SGK2: variants seen among roughly 807,000 people sequenced by gnomAD.
SGK2 encodes the protein serine/threonine-protein kinase Sgk2.
A neutral mutation model predicts 47.5 loss-of-function variants in SGK2; 36 were observed. The ratio of observed to expected loss-of-function variants is 0.76; its 90% CI spans 0.58 to 1.00. The LOEUF (loss-of-function observed/expected upper bound fraction) is 1.00, where lower values mean the gene tolerates loss of function less well. Ranked by LOEUF, SGK2 falls within the 50% of genes least tolerant of loss-of-function variation. SGK2 has a pLI of 0.00. For missense variants in SGK2, 404 were observed against 467.4 expected (o/e 0.86, Z 1.25); for synonymous variants, 157 against 181.9 (o/e 0.86, Z 1.10).
intron 10 of SGK2, 142 bp downstream of exon 10, chr20:43,575,146 T>C (rs945698857): frequency 1.2e-5 from 7 of 607,458 alleles, no homozygotes; most frequent in Non-Finnish European, 2.1e-5. Context: ...AAGGTGAATA[T>C]GCAAATTATT....
chr20:43,569,275 AG>A, intron 5 of SGK2, 109 bp from the exon 6 acceptor site: 2 of 1,401,380 alleles, frequency 1.4e-6, no homozygotes, highest in South Asian at 2.6e-5. Context: ...CAGGGGCATG[AG>A]AAAGTCCTGG....
chr20:43,572,013 C>G lies in SGK2; in HGVS notation c.511-38C>G, dbSNP rs1243734752. 1 of 1,483,758 alleles carries G rather than the reference C, an allele frequency of 6.7e-7. No homozygotes were observed. 91.9% of individuals were successfully genotyped at this position (1,483,758 alleles called of 1,614,324 possible). ...GTTAGGCCTGGCCATACCCTTGGCTCATACCACCCTCCAGCCCATGCCCTC... is the reference window on the plus strand; with the variant it reads ...GTTAGGCCTGGCCATACCCTTGGCTGATACCACCCTCCAGCCCATGCCCTC... On this transcript the variant is annotated intron_variant, in intron 8 of 12. Transcript: ENST00000373100. This position sits in a 1 kb window ranked among gnomAD's most constrained non-coding sequence, Gnocchi z 4.2.
intron 12 of SGK2, chr20:43,583,708 T>C (rs1980937406): frequency 6.0e-6 from 4 of 661,560 alleles, no homozygotes; most frequent in Non-Finnish European, 7.5e-6. Flanking sequence ...GTAGTTCATA[T>C]CTGTAACCCC....
Position 43,574,891 on chromosome 20 carries a change from T to A in SGK2, c.598-18T>A, listed in dbSNP as rs1356244011. The stretch of plus-strand genomic sequence containing the variant: ...GGCTTAACGACTTATTTCAAATAAG[T>A]GTGTTTCCTTCTAACAGTACTTGGC... On this transcript the variant is annotated intron_variant, in intron 9 of 12. Transcript: ENST00000373100. 1 of 1,599,444 alleles carries A rather than the reference T, an allele frequency of 6.3e-7. No individual in the cohort carries two copies. Among genetic ancestry groups the A allele is most frequent in the Admixed American group, 1.7e-5 (1 of 59,904 alleles).
chr20:43,565,980 A>G (rs1979681354), intron 1 of SGK2: 1 of 209,924 alleles, frequency 4.8e-6, no homozygotes, highest in Non-Finnish European at 9.4e-6. Context: ...ACAGTAATTC[A>G]GGGTTGCCAT....
At position 43,574,979 on chromosome 20, in the gene SGK2, T is replaced by A. The variant is rs747552762; in HGVS notation, c.668T>A (p.Val223Asp). ...GTGGACTGGTGGTGCTTGGGGGCAG[T>A]CCTCTACGAGATGCTCCATGGCCTG... The part of the protein sequence containing the change: ...RAVDWWCLGA[V>D]LYEMLHGLPP... Residue 223 changes from valine to aspartate, a missense_variant, in exon 10 of 13, where the codon GTC (valine) becomes GAC (aspartate). Transcript: ENST00000373100. 6.2e-7 allele frequency: 1 copy of A among 1,613,668 alleles called. No individual in the cohort carries two copies. Among genetic ancestry groups the A allele is most frequent in the Admixed American group, 1.7e-5 (1 of 59,992 alleles).
intron 1 of SGK2, among the ~76,000 whole-genome samples, chr20:43,562,825 C>T: frequency 6.6e-6 from 1 of 151,854 alleles, no homozygotes; most frequent in South Asian, 2.1e-4. Flanking sequence ...TATTTAAATC[C>T]AGAGTTCAGG....
chr20:43,567,982 A>G lies in SGK2; in HGVS notation c.211A>G (p.Ile71Val), dbSNP rs780174060. ...YAVKVLQKKSILKKKEQSHIM... is the reference protein window; with the variant it reads ...YAVKVLQKKSVLKKKEQSHIM... ...AGTGAAGGTACTACAGAAAAAGTCCATCTTAAAGAAGAAAGAGGTACCAGA... is the reference window on the plus strand; with the variant it reads ...AGTGAAGGTACTACAGAAAAAGTCCGTCTTAAAGAAGAAAGAGGTACCAGA... The change falls in exon 5 of 13, where the codon ATC (isoleucine) becomes GTC (valine). Residue 71 changes from isoleucine to valine, a missense_variant. Coordinates refer to ENST00000373100, the MANE Select transcript of SGK2 (RefSeq NM_170693.3). 4 of 1,613,972 alleles carry G rather than the reference A, an allele frequency of 2.5e-6. No homozygotes were observed. In the East Asian group the frequency reaches 6.7e-5, roughly 27 times the overall value.
chr20:43,570,785 AG>A, intron 7 of SGK2, 56 bp downstream of exon 7: 1 of 1,411,810 alleles, frequency 7.1e-7, no homozygotes, highest in Non-Finnish European at 9.9e-7. Context: ...TCCAACAGCT[AG>A]GGGTTGTGTG....
intron 11 of SGK2, among the ~76,000 whole-genome samples, chr20:43,577,675 G>T (rs532255828): frequency 2.2e-5 from 3 of 133,702 alleles, no homozygotes; most frequent in Non-Finnish European, 4.7e-5. Context: ...ACTGAGTCTC[G>T]CTCTGTCACC....
chr20:43,567,945 G>T lies in SGK2; in HGVS notation c.174G>T (p.Gly58=), dbSNP rs937993535. Residue 58 remains glycine, a synonymous_variant, in exon 5 of 13, where the codon GGG becomes GGT. Transcript: ENST00000373100. The part of the protein sequence containing the change: ...KVLLAKRKSD[G]AFYAVKVLQK... ...TACTGGCCAAGCGCAAGTCTGATGG[G>T]GCGTTCTATGCAGTGAAGGTACTAC... is the stretch of plus-strand genomic sequence containing the variant. 1 of 1,614,172 alleles carries T rather than the reference G, an allele frequency of 6.2e-7. No homozygotes were observed. Among genetic ancestry groups the T allele is most frequent in the Non-Finnish European group, 8.5e-7 (1 of 1,180,026 alleles).
chr20:43,573,489 CAAA>C (rs5841511), intron 9 of SGK2, among the ~76,000 whole-genome samples: 6 of 111,340 alleles, frequency 5.4e-5, no homozygotes, highest in African/African-American at 6.8e-5. Flanking sequence ...GACTCTGTCT[CAAA>C]AAAAAAAAAA....
chr20:43,566,914 G>GGGAT (rs10664352), intron 2 of SGK2, among the ~76,000 whole-genome samples, 154 bp from the exon 3 acceptor site: 12 of 141,596 alleles, frequency 8.5e-5, no homozygotes, highest in African/African-American at 3.3e-4. Flanking sequence ...GAGGGAGGGA[G>GGGAT]GGAGGCGGGC....
At chr20:43,581,183 T>G (rs1980775911) in intron 12 of SGK2, among the ~76,000 whole-genome samples, 1 of 152,116 alleles carries the variant, frequency 6.6e-6, no homozygotes, top group Non-Finnish European at 1.5e-5. Context: ...CCTGTTTTGT[T>G]TTGTTTTTAA....
At chr20:43,575,848 C>T (rs928247831) in intron 10 of SGK2, among the ~76,000 whole-genome samples, 3 of 152,154 alleles carry the variant, frequency 2.0e-5, no homozygotes, top group Non-Finnish European at 4.4e-5. Flanking sequence ...TGGCTGTCTT[C>T]CTAACTGTGC....
At chr20:43,583,249 A>G (rs1047303932) in intron 12 of SGK2, 75 of 1,289,838 alleles carry the variant, frequency 5.8e-5, no homozygotes, top group Non-Finnish European at 7.5e-5. Flanking sequence ...AGTGAAGATA[A>G]TGTCGAACTT....
intron 1 of SGK2, among the ~76,000 whole-genome samples, chr20:43,560,801 A>G (rs1172363371): frequency 6.6e-6 from 1 of 152,188 alleles, no homozygotes; most frequent in African/African-American, 2.4e-5. Flanking sequence ...TTATTGATTC[A>G]TTAGTCAAAT....
chr20:43,560,464 A>G (rs969145008), intron 1 of SGK2, among the ~76,000 whole-genome samples: 2 of 149,970 alleles, frequency 1.3e-5, no homozygotes, highest in African/African-American at 2.5e-5. Flanking sequence ...GCGCCACTGC[A>G]CTCCAGCCTG....
At chr20:43,576,045 C>T (rs1310792142) in intron 10 of SGK2, among the ~76,000 whole-genome samples, 179 bp from the exon 11 acceptor site, 2 of 152,200 alleles carry the variant, frequency 1.3e-5, no homozygotes, top group Non-Finnish European at 2.9e-5. Flanking sequence ...ACCTTCCTAG[C>T]AACTCTCTCC....
Sources: allele counts gnomAD v4.1 joint callset (sites outside exome capture counted in the v4.1 genomes callset), GRCh38; gene constraint gnomAD v4.1.1; non-coding constraint Gnocchi (gnomAD v3.1); transcripts MANE v1.5; gene names NCBI Gene and HGNC (gene_info 2026-07-23, HGNC 2026-07-21).